Variants in SLC44A5 observed in about 807,000 individuals in gnomAD.
SLC44A5 encodes choline transporter-like protein 5.
A neutral mutation model predicts 101.8 loss-of-function variants in SLC44A5; 57 were observed. That is an observed-to-expected ratio of 0.56 (90% CI 0.45 to 0.70). SLC44A5 has a LOEUF of 0.70. Ranked by LOEUF, SLC44A5 falls within the 30% of genes least tolerant of loss-of-function variation. The probability of loss-of-function intolerance (pLI) is 0.00; values close to 1 mark genes in which losing one functional copy is unlikely to be tolerated. For missense variants in SLC44A5, 737 were observed against 853.1 expected, an observed-to-expected ratio of 0.86 and a Z score of 1.70; for synonymous variants, 281 against 290.9, an observed-to-expected ratio of 0.97 and a Z score of 0.35.
chr1:75,631,524 A>G, the SLC44A5 span, among the ~76,000 whole-genome samples: 1 of 148,500 alleles, frequency 6.7e-6, no homozygotes, highest in Admixed American at 6.7e-5. Flanking sequence ...AGGCATGCAC[A>G]ACCACACCTG....
chr1:75,647,916 T>C, the SLC44A5 span, among the ~76,000 whole-genome samples: 1 of 152,304 alleles, frequency 6.6e-6, no homozygotes, highest in Admixed American at 6.5e-5. Context: ...GACTTTTGGG[T>C]TAATGCTAAA....
At chr1:75,374,684 C>T (rs1033992806) in intron 3 of SLC44A5, among the ~76,000 whole-genome samples, 4 of 152,196 alleles carry the variant, frequency 2.6e-5, no homozygotes, top group Admixed American at 6.5e-5. Flanking sequence ...TGAATCACAC[C>T]GGGAAGCAAA....
chr1:75,229,800 T>C (rs138122440), intron 12 of SLC44A5, among the ~76,000 whole-genome samples: 101 of 152,346 alleles, frequency 6.6e-4, no homozygotes, highest in East Asian at 5.6e-3. Context: ...ACAGCAGCTG[T>C]TCAATTGATA....
intron 2 of SLC44A5, among the ~76,000 whole-genome samples, chr1:75,482,977 GA>G (rs1488936926): frequency 6.6e-6 from 1 of 152,128 alleles, no homozygotes; most frequent in Non-Finnish European, 1.5e-5. Context: ...AAATAAATTT[GA>G]AAATTGAATA....
intron 4 of SLC44A5, among the ~76,000 whole-genome samples, chr1:75,301,561 T>C (rs1654451473): frequency 6.6e-6 from 1 of 152,226 alleles, no homozygotes; most frequent in Non-Finnish European, 1.5e-5. Context: ...TAAAAGTTAT[T>C]GATCTTGAGG....
intron 7 of SLC44A5, among the ~76,000 whole-genome samples, chr1:75,249,920 T>C (rs1216525434): frequency 6.6e-6 from 1 of 152,194 alleles, no homozygotes; most frequent in Non-Finnish European, 1.5e-5. Flanking sequence ...AGCTCATAGC[T>C]ACATTGCTCA....
chr1:75,578,642 AG>A (rs1479374042), intron 1 of SLC44A5, among the ~76,000 whole-genome samples: 2 of 152,148 alleles, frequency 1.3e-5, no homozygotes, highest in Non-Finnish European at 2.9e-5. Flanking sequence ...GGGCAGGTGC[AG>A]GGATGGGGAG....
chr1:75,659,671 G>A, the SLC44A5 span, among the ~76,000 whole-genome samples: 145,133 of 146,674 alleles, frequency 0.99, 71,807 homozygotes, highest in East Asian at 1. Context: ...CTGGTAGCAC[G>A]TACCTGTAGT....
rs564856843 is a variant in SLC44A5, at chr1:75,224,212, G to A, written c.986-1752C>T. ...CTCATGTGTTTGGAGGGATGTTGGT[G>A]TAAACAAACCAATTGTGCTGACAGT... is the stretch of plus-strand genomic sequence containing the variant. On this transcript the variant is annotated intron_variant, in intron 13 of 23. Coordinates refer to ENST00000370859, the MANE Select transcript of SLC44A5 (RefSeq NM_001130058.2). Among the ~76,000 whole-genome samples, 11 of 152,264 alleles carry A rather than the reference G, an allele frequency of 7.2e-5. No individual in the cohort carries two copies. In the South Asian group the frequency reaches 2.3e-3, roughly 32 times the overall value.
At chr1:75,566,568 C>A (rs1672795456) in intron 1 of SLC44A5, among the ~76,000 whole-genome samples, 5 of 152,136 alleles carry the variant, frequency 3.3e-5, no homozygotes, top group Admixed American at 3.3e-4. Context: ...GAAAATGCAG[C>A]TAGATTCTTT....
At chr1:75,454,002 C>T (rs181759896) in intron 2 of SLC44A5, among the ~76,000 whole-genome samples, 3 of 152,168 alleles carry the variant, frequency 2.0e-5, no homozygotes. Context: ...TCTACTGAAA[C>T]TATCCCATAA....
intron 4 of SLC44A5, among the ~76,000 whole-genome samples, chr1:75,336,595 C>G (rs1365347332): frequency 6.6e-6 from 1 of 152,100 alleles, no homozygotes; most frequent in Non-Finnish European, 1.5e-5. Context: ...AATATGTGGC[C>G]TTTATTACAG....
the SLC44A5 span, among the ~76,000 whole-genome samples, chr1:75,683,614 C>T: frequency 5.9e-5 from 9 of 151,784 alleles, no homozygotes; most frequent in South Asian, 6.2e-4. Flanking sequence ...TGTGAGGTGG[C>T]GGAAGGGGGG....
chr1:75,458,060 T>C (rs1168843606), intron 2 of SLC44A5, among the ~76,000 whole-genome samples: 1 of 152,202 alleles, frequency 6.6e-6, no homozygotes, highest in Non-Finnish European at 1.5e-5. Flanking sequence ...TTCAATATTG[T>C]ATGATAAGCT....
chr1:75,485,472 C>T (rs1188393123), intron 2 of SLC44A5, among the ~76,000 whole-genome samples: 2 of 152,202 alleles, frequency 1.3e-5, no homozygotes, highest in Non-Finnish European at 2.9e-5. Context: ...TCATCTGAGA[C>T]TACCCCAGCC....
intron 1 of SLC44A5, among the ~76,000 whole-genome samples, chr1:75,548,495 C>T (rs543366318): frequency 6.6e-6 from 1 of 152,096 alleles, no homozygotes; most frequent in Admixed American, 6.6e-5. Flanking sequence ...TTCTGAAGCT[C>T]TCTTTCTAGA....
intron 4 of SLC44A5, among the ~76,000 whole-genome samples, chr1:75,334,567 C>T (rs530780785): frequency 2.0e-5 from 3 of 152,162 alleles, no homozygotes; most frequent in South Asian, 4.2e-4. Flanking sequence ...TGTTTAACAA[C>T]TAGTTTGATT....
At chr1:75,550,784 G>A (rs1432763891) in intron 1 of SLC44A5, among the ~76,000 whole-genome samples, 1 of 152,104 alleles carries the variant, frequency 6.6e-6, no homozygotes, top group Non-Finnish European at 1.5e-5. Context: ...GAATTACTCA[G>A]AAGCTTCTGA....
rs192663393 is a variant in SLC44A5, at chr1:75,577,425, G to A, written c.-70+33615C>T. On this transcript the variant is annotated intron_variant, in intron 1 of 23. Coordinates refer to ENST00000370859, the MANE Select transcript of SLC44A5 (RefSeq NM_001130058.2). ...ATCTCTGCTTCTGAAACAAACATGCGAAGCATGCTCCCGCCTCAGAGCCTT... is the reference window on the plus strand; with the variant it reads ...ATCTCTGCTTCTGAAACAAACATGCAAAGCATGCTCCCGCCTCAGAGCCTT... Among the ~76,000 whole-genome samples the A allele has an allele frequency of 4.3e-3, 659 of 152,252 alleles. 5 individuals carry two copies. The highest frequency in any genetic ancestry group is 0.015 in the African/African-American group (631 of 41,532).
Sources: allele counts gnomAD v4.1 joint callset (sites outside exome capture counted in the v4.1 genomes callset), GRCh38; gene constraint gnomAD v4.1.1; transcripts MANE v1.5; gene names NCBI Gene and HGNC (gene_info 2026-07-23, HGNC 2026-07-21).